Variants in PHF14 observed in about 807,000 individuals in gnomAD.
The protein encoded by PHF14 is PHD finger protein 14.
PHF14 carries 55 observed loss-of-function variants against 117.9 expected under a neutral mutation model. That is an observed-to-expected ratio of 0.47 (90% CI 0.38 to 0.58). The LOEUF (loss-of-function observed/expected upper bound fraction) is 0.58, where lower values mean the gene tolerates loss of function less well. Among genes scored for constraint, PHF14 ranks in the 20% least tolerant of loss-of-function variants. The pLI is 0.00. For synonymous variants in PHF14, 409 were observed against 368.6 expected (o/e 1.11, Z -1.26); for missense variants, 978 against 1,122.2 (o/e 0.87, Z 1.84).
chr7:11,083,811 T>C (rs971485398), intron 16 of PHF14, among the ~76,000 whole-genome samples: 2 of 152,104 alleles, frequency 1.3e-5, no homozygotes, highest in African/African-American at 2.4e-5. Flanking sequence ...TAGAATCACT[T>C]AGTAAGATAA....
chr7:11,005,787 CTTT>C (rs951270672), intron 4 of PHF14, among the ~76,000 whole-genome samples: 6 of 84,442 alleles, frequency 7.1e-5, no homozygotes, highest in African/African-American at 2.4e-4. Context: ...AGTAAAAATT[CTTT>C]TTTTTTTTTT....
chr7:11,062,625 CTT>C (rs1200252849), intron 16 of PHF14: 2 of 897,570 alleles, frequency 2.2e-6, no homozygotes, highest in Non-Finnish European at 2.7e-6. Flanking sequence ...TTTGTTTTGT[CTT>C]TGTTTCTTTG....
intron 12 of PHF14, among the ~76,000 whole-genome samples, chr7:11,041,133 A>G (rs927444567): frequency 5.3e-5 from 8 of 152,088 alleles, no homozygotes; most frequent in African/African-American, 1.9e-4. Context: ...AGTGATGGGT[A>G]TCATATATGT....
chr7:11,085,405 C>T (rs963898240), intron 16 of PHF14, among the ~76,000 whole-genome samples: 1 of 152,140 alleles, frequency 6.6e-6, no homozygotes, highest in Non-Finnish European at 1.5e-5. Flanking sequence ...CATGTTGAAG[C>T]TATCATTGAT....
chr7:10,998,045 C>T (rs1782725071), intron 4 of PHF14, among the ~76,000 whole-genome samples: 1 of 151,728 alleles, frequency 6.6e-6, no homozygotes, highest in Non-Finnish European at 1.5e-5. Context: ...TGGAAGTGAC[C>T]CAGTGGAAAG....
At chr7:11,002,270 G>T (rs1782903395) in intron 4 of PHF14, among the ~76,000 whole-genome samples, 1 of 151,998 alleles carries the variant, frequency 6.6e-6, no homozygotes, top group Non-Finnish European at 1.5e-5. Context: ...GTAAAAATGG[G>T]GGGATAAAAG....
intron 17 of PHF14, among the ~76,000 whole-genome samples, chr7:11,163,100 G>A (rs1789097537): frequency 6.6e-6 from 1 of 152,110 alleles, no homozygotes. Flanking sequence ...AATAAAGGGA[G>A]ATCTCTTTGA....
At chr7:10,996,136 T>G (rs1583343588) in intron 4 of PHF14, among the ~76,000 whole-genome samples, 1 of 152,220 alleles carries the variant, frequency 6.6e-6, no homozygotes, top group African/African-American at 2.4e-5. Flanking sequence ...AGCAGAGGAT[T>G]AATATGGTTT....
At chr7:11,141,860 TTTTC>T (rs1225604628) in intron 17 of PHF14, among the ~76,000 whole-genome samples, 1 of 147,972 alleles carries the variant, frequency 6.8e-6, no homozygotes, top group Non-Finnish European at 1.5e-5. Flanking sequence ...GATACTGCCT[TTTTC>T]TTACTGTCTT....
At chr7:10,992,892 T>A (rs1782512157) in intron 4 of PHF14, among the ~76,000 whole-genome samples, 1 of 152,238 alleles carries the variant, frequency 6.6e-6, no homozygotes, top group African/African-American at 2.4e-5. Flanking sequence ...AGTCCTTGAG[T>A]TTCTGTCTCA....
intron 16 of PHF14, chr7:11,107,343 A>G: frequency 3.3e-6 from 3 of 917,564 alleles, no homozygotes; most frequent in Non-Finnish European, 3.9e-6. Context: ...TTTTACATAC[A>G]TATAGACTGT....
At chr7:11,037,509 A>G (rs539176729) in intron 10 of PHF14, among the ~76,000 whole-genome samples, 4 of 152,296 alleles carry the variant, frequency 2.6e-5, no homozygotes, top group Admixed American at 6.5e-5. Context: ...AAACATTGCT[A>G]TAGAGCTTCA....
rs1467599702 is a variant in PHF14, at chr7:11,130,322, CT to C, written c.2772+18858del. 2.0e-5 allele frequency among the ~76,000 whole-genome samples: 3 copies of C among 151,918 alleles called. No homozygotes were observed. The highest frequency in any genetic ancestry group is 1.9e-4 in the East Asian group (1 of 5,186). ...CCATATGCTACCATACTTCCAAGAC[CT>C]TTCTGGGATTCATTCCAGGATTCAA... On this transcript the variant is annotated intron_variant, in intron 17 of 17. Transcript: ENST00000634607. This position sits in a 1 kb window ranked among gnomAD's most constrained non-coding sequence, Gnocchi z 4.2.
intron 2 of PHF14, among the ~76,000 whole-genome samples, chr7:10,976,020 G>C (rs573499642): frequency 2.6e-4 from 40 of 152,156 alleles, no homozygotes; most frequent in Non-Finnish European, 4.4e-4. Context: ...CAGTAACTTA[G>C]TGAAGGAGAT....
chr7:11,152,880 A>G (rs1009952031), intron 17 of PHF14, among the ~76,000 whole-genome samples: 3 of 152,208 alleles, frequency 2.0e-5, no homozygotes, highest in Non-Finnish European at 4.4e-5. Flanking sequence ...GGAAACACCT[A>G]CTGCATTTTG....
At chr7:11,054,761 C>A (rs956332858) in intron 14 of PHF14, among the ~76,000 whole-genome samples, 5 of 152,052 alleles carry the variant, frequency 3.3e-5, no homozygotes, top group African/African-American at 1.2e-4. Context: ...AACTATTGCT[C>A]CCAATATCCT....
intron 17 of PHF14, among the ~76,000 whole-genome samples, chr7:11,112,707 G>A (rs924924812): frequency 1.3e-5 from 2 of 151,810 alleles, no homozygotes; most frequent in Admixed American, 6.6e-5. Context: ...GGAGGCAGAG[G>A]TTGCAGTGAA....
chr7:11,005,353 A>G (rs1173031179), intron 4 of PHF14, among the ~76,000 whole-genome samples: 3 of 151,886 alleles, frequency 2.0e-5, no homozygotes, highest in Non-Finnish European at 4.4e-5. Context: ...TTTCCTTTTC[A>G]GTATTACTGT....
chr7:11,010,450 G>A (rs923280994), intron 4 of PHF14, among the ~76,000 whole-genome samples: 1 of 151,480 alleles, frequency 6.6e-6, no homozygotes, highest in African/African-American at 2.4e-5. Context: ...TTTTAAATCT[G>A]TTCTTTGACA....
Sources: gnomAD v4.1 joint callset for allele counts (sites outside exome capture counted in the v4.1 genomes callset) on GRCh38, gnomAD v4.1.1 for gene constraint, Gnocchi (gnomAD v3.1) non-coding constraint, MANE v1.5 for transcripts, NCBI Gene and HGNC (gene_info 2026-07-23, HGNC 2026-07-21) for gene names.